Variants in EPB41L4B observed in about 807,000 individuals in gnomAD.
EPB41L4B encodes the protein band 4.1-like protein 4B.
Under a neutral mutation model 112.5 loss-of-function variants are expected in EPB41L4B, and 30 were observed. That is an observed-to-expected ratio of 0.27 (90% CI 0.20 to 0.36). The LOEUF is 0.36. EPB41L4B is among the 10% of genes least tolerant of loss of function. The pLI, the probability that EPB41L4B is intolerant of heterozygous loss-of-function variation, is 1.00. For synonymous variants in EPB41L4B, 408 were observed against 439.7 expected (o/e 0.93, Z 0.90); for missense variants, 1,024 against 1,133.3 (o/e 0.90, Z 1.38).
At chr9:109,303,506 T>C (rs1837059031) in intron 1 of EPB41L4B, among the ~76,000 whole-genome samples, 1 of 151,844 alleles carries the variant, frequency 6.6e-6, no homozygotes, top group African/African-American at 2.4e-5. Flanking sequence ...CCATCGCACC[T>C]GGCTGGTTTT....
intron 1 of EPB41L4B, among the ~76,000 whole-genome samples, chr9:109,318,829 G>C (rs1837732299): frequency 6.6e-6 from 1 of 152,170 alleles, no homozygotes; most frequent in African/African-American, 2.4e-5. Flanking sequence ...CTTATGGAGA[G>C]CACAAAGAAC....
chr9:109,260,966 G>A (rs1472963222), intron 6 of EPB41L4B, among the ~76,000 whole-genome samples: 2 of 152,126 alleles, frequency 1.3e-5, no homozygotes, highest in Non-Finnish European at 2.9e-5. Flanking sequence ...GGCTTTAGGA[G>A]GAAACCTTTC....
chr9:109,213,730 G>T lies in EPB41L4B; in HGVS notation c.1722C>A (p.Pro574=). 1 of 1,614,146 alleles carries T rather than the reference G, an allele frequency of 6.2e-7. No individual in the cohort carries two copies. ...LELETVKAAG[P]WPPLHININK... ...TTATGTTGATGTGCAGAGGAGGCCA[G>T]GGTCCAGCAGCCTTCACAGTTTCCA... The change falls in exon 17 of 26, where the codon CCC becomes CCA. Residue 574 remains proline (P), a synonymous_variant. Transcript: ENST00000374566.
At chr9:109,299,651 T>C (rs181862426) in intron 1 of EPB41L4B, among the ~76,000 whole-genome samples, 10 of 152,316 alleles carry the variant, frequency 6.6e-5, no homozygotes, top group Non-Finnish European at 1.3e-4. Flanking sequence ...AGATCATACA[T>C]GTACAACTCA....
chr9:109,204,663 T>C (rs1313334212), intron 18 of EPB41L4B, among the ~76,000 whole-genome samples: 1 of 151,984 alleles, frequency 6.6e-6, no homozygotes, highest in Non-Finnish European at 1.5e-5. Flanking sequence ...AGCTAATTTG[T>C]TTCATATTTT....
At chr9:109,191,230 A>C (rs1832449143) in intron 22 of EPB41L4B, among the ~76,000 whole-genome samples, 2 of 152,190 alleles carry the variant, frequency 1.3e-5, no homozygotes, top group South Asian at 4.1e-4. Context: ...AGCTCTTGCC[A>C]AAAAGCTAGA....
intron 15 of EPB41L4B, among the ~76,000 whole-genome samples, chr9:109,239,193 T>A (rs10816790): frequency 0.18 from 27,508 of 152,100 alleles, 3,124 homozygotes; most frequent in Non-Finnish European, 0.26. Flanking sequence ...AAAGCCCAAG[T>A]ATGAATACCA....
chr9:109,320,414 G>T lies in EPB41L4B; in HGVS notation c.33C>A (p.Arg11=), dbSNP rs1230137067. 2.1e-5 allele frequency: 21 copies of T among 990,222 alleles called. No homozygotes were observed. The South Asian group carries it at 8.2e-4, about 39-fold the overall frequency. 61.3% of individuals were successfully genotyped at this position (990,222 alleles called of 1,614,324 possible). A position where few individuals can be genotyped will look rare whatever the true frequency, so the allele number is the denominator to read the frequency against. The change falls in exon 1 of 26, where the codon CGC becomes CGA. Residue 11 remains arginine (R), a synonymous_variant. Transcript: ENST00000374566. ...CCCGCGCGTAGCGCTGCATGGAGCG[G>T]CGGCCAAAGGTCCGGCGCAGGAACC... MLRFLRRTFG[R]RSMQRYARGA...
At chr9:109,262,446 TGTGGGG>T (rs1275741247) in intron 6 of EPB41L4B, among the ~76,000 whole-genome samples, 1 of 44,322 alleles carries the variant, frequency 2.3e-5, no homozygotes, top group Non-Finnish European at 4.4e-5. Context: ...TCTTGGTGTG[TGTGGGG>T]GTGTGTGTGT....
chr9:109,234,700 C>T (rs932841946), intron 15 of EPB41L4B, among the ~76,000 whole-genome samples: 2 of 152,102 alleles, frequency 1.3e-5, no homozygotes, highest in African/African-American at 4.8e-5. Flanking sequence ...CCCATCTCTA[C>T]AAAAATTTTT....
At chr9:109,298,993 G>C (rs1372873020) in intron 1 of EPB41L4B, among the ~76,000 whole-genome samples, 1 of 152,136 alleles carries the variant, frequency 6.6e-6, no homozygotes, top group East Asian at 1.9e-4. Flanking sequence ...AAATAGGAGG[G>C]AATTCTGCAA....
intron 15 of EPB41L4B, chr9:109,240,818 T>C (rs1372302841): frequency 7.1e-6 from 7 of 985,362 alleles, no homozygotes; most frequent in Non-Finnish European, 2.4e-6. Context: ...CAGTGTGTAT[T>C]CACAATTATG....
intron 15 of EPB41L4B, among the ~76,000 whole-genome samples, chr9:109,221,997 C>A (rs1167429225): frequency 6.6e-6 from 1 of 152,010 alleles, no homozygotes; most frequent in East Asian, 1.9e-4. Context: ...TGATGTCTGC[C>A]ATGGACTTGG....
At chr9:109,232,311 AT>A (rs112471613) in intron 15 of EPB41L4B, among the ~76,000 whole-genome samples, 95 of 146,478 alleles carry the variant, frequency 6.5e-4, no homozygotes, top group Non-Finnish European at 5.9e-4. Flanking sequence ...TTTCTTACAG[AT>A]TTTTTTTTTT....
At chr9:109,213,430 C>T (rs901319891) in intron 17 of EPB41L4B, among the ~76,000 whole-genome samples, 3 of 152,156 alleles carry the variant, frequency 2.0e-5, no homozygotes, top group Admixed American at 6.5e-5. Context: ...CTGGAGCTTT[C>T]GGTCTAGTAG....
At chr9:109,184,134 G>T (rs1382300383) in intron 23 of EPB41L4B, among the ~76,000 whole-genome samples, 1 of 152,252 alleles carries the variant, frequency 6.6e-6, no homozygotes, top group Non-Finnish European at 1.5e-5. Context: ...TATTGAGTCA[G>T]CATGGTGCTC....
rs1054700573 is a variant in EPB41L4B at position 109,246,590 on chromosome 9, C to T, written c.1344+1166G>A. On this transcript the variant is annotated intron_variant, in intron 14 of 25. Transcript: ENST00000374566. ...ATTATGCAATTCCCTGTGAGTTGAA[C>T]ATATGGAGCGTGATGGGAGTGGTGA... is the stretch of plus-strand genomic sequence containing the variant. Among the ~76,000 whole-genome samples the T allele has an allele frequency of 2.0e-5, 3 of 152,168 alleles. No homozygotes were observed. In the East Asian group the frequency reaches 5.8e-4, roughly 29 times the overall value.
At chr9:109,282,076 C>CTGA (rs1379796272) in intron 1 of EPB41L4B, among the ~76,000 whole-genome samples, 1 of 152,162 alleles carries the variant, frequency 6.6e-6, no homozygotes, top group Admixed American at 6.5e-5. Context: ...GAATGAAGTG[C>CTGA]TGATATGTGC....
Position 109,245,953 on chromosome 9 carries a change from T to C in EPB41L4B, c.1344+1803A>G, listed in dbSNP as rs145380879. 2.4e-3 allele frequency among the ~76,000 whole-genome samples: 369 copies of C among 152,368 alleles called. 2 individuals carry two copies. Among genetic ancestry groups the C allele is most frequent in the African/African-American group, 8.2e-3 (341 of 41,584 alleles). On this transcript the variant is annotated intron_variant, in intron 14 of 25. Transcript: ENST00000374566. ...CACAGTGAGAACACACTACAGGCTA[T>C]GCGGAGAGGGCACAGGCAGTGCTCA... is the stretch of plus-strand genomic sequence containing the variant.
Sources: allele counts gnomAD v4.1 joint callset (sites outside exome capture counted in the v4.1 genomes callset), GRCh38; gene constraint gnomAD v4.1.1; transcripts MANE v1.5; gene names NCBI Gene and HGNC (gene_info 2026-07-23, HGNC 2026-07-21).